Variants in ARHGAP24 observed in about 807,000 individuals in gnomAD.
The protein encoded by ARHGAP24 is rho GTPase-activating protein 24.
ARHGAP24 carries 50 observed loss-of-function variants against 76.4 expected under a neutral mutation model. The ratio of observed to expected loss-of-function variants is 0.65; its 90% CI spans 0.52 to 0.83. The LOEUF is 0.83. ARHGAP24 is among the 40% of genes least tolerant of loss of function. The probability of loss-of-function intolerance (pLI) is 0.00; values close to 1 mark genes in which losing one functional copy is unlikely to be tolerated. For missense variants in ARHGAP24, 930 were observed against 914.2 expected (o/e 1.02, Z -0.22); for synonymous variants, 345 against 323.3 (o/e 1.07, Z -0.72).
At chr4:85,782,910 A>T (rs1412360335) in intron 3 of ARHGAP24, among the ~76,000 whole-genome samples, 1 of 152,198 alleles carries the variant, frequency 6.6e-6, no homozygotes, top group Non-Finnish European at 1.5e-5. Context: ...ACCTTAATTT[A>T]AAAAGACATC....
chr4:85,660,964 T>C (rs1368532402), intron 2 of ARHGAP24, among the ~76,000 whole-genome samples: 1 of 152,146 alleles, frequency 6.6e-6, no homozygotes, highest in Non-Finnish European at 1.5e-5. Context: ...GAAACAGAAA[T>C]AGCCACAGGC....
At chr4:85,653,499 A>G (rs1349816978) in intron 2 of ARHGAP24, among the ~76,000 whole-genome samples, 1 of 151,386 alleles carries the variant, frequency 6.6e-6, no homozygotes, top group East Asian at 2.0e-4. Flanking sequence ...TTTGAGGAGG[A>G]GGCTCACTTT....
chr4:85,966,531 G>T (rs1007885525), intron 5 of ARHGAP24, among the ~76,000 whole-genome samples: 3 of 152,106 alleles, frequency 2.0e-5, no homozygotes, highest in Non-Finnish European at 2.9e-5. Flanking sequence ...CATCTGTTTT[G>T]ACAGATACAT....
At chr4:85,793,005 A>T (rs1160198275) in intron 3 of ARHGAP24, among the ~76,000 whole-genome samples, 1 of 152,208 alleles carries the variant, frequency 6.6e-6, no homozygotes, top group East Asian at 1.9e-4. Flanking sequence ...ATTAAAGACA[A>T]TAAGATAAAT....
At chr4:85,985,517 A>G (rs1174104067) in intron 8 of ARHGAP24, among the ~76,000 whole-genome samples, 1 of 152,170 alleles carries the variant, frequency 6.6e-6, no homozygotes, top group Non-Finnish European at 1.5e-5. Flanking sequence ...GGATCAGGAA[A>G]AATAACGGGT....
At chr4:85,600,291 G>C (rs965118000) in intron 2 of ARHGAP24, among the ~76,000 whole-genome samples, 1 of 152,194 alleles carries the variant, frequency 6.6e-6, no homozygotes, top group Admixed American at 6.5e-5. Context: ...TCAGACTCTT[G>C]TTAAGGATAT....
chr4:85,761,408 AAG>A (rs1726728218), intron 3 of ARHGAP24, among the ~76,000 whole-genome samples: 1 of 152,166 alleles, frequency 6.6e-6, no homozygotes, highest in African/African-American at 2.4e-5. Context: ...ATCCACCTAA[AAG>A]AGTCCATTGG....
chr4:85,797,228 A>G (rs1256597610), intron 3 of ARHGAP24, among the ~76,000 whole-genome samples: 1 of 151,570 alleles, frequency 6.6e-6, no homozygotes, highest in East Asian at 1.9e-4. Context: ...GCTGGAGTGC[A>G]GTGGCGCAAT....
chr4:85,994,741 A>T lies in ARHGAP24; in HGVS notation c.1087A>T (p.Asn363Tyr). The T allele has an allele frequency of 6.2e-7, 1 of 1,614,138 alleles. No homozygotes were observed. The highest frequency in any genetic ancestry group is 8.5e-7 in the Non-Finnish European group (1 of 1,180,028). ...CATGGGGCAGTTACAGAACAAGGAGAACAATAACACCAAGGACAGCCCTAG... is the reference window on the plus strand; with the variant it reads ...CATGGGGCAGTTACAGAACAAGGAGTACAATAACACCAAGGACAGCCCTAG... ...ATMGQLQNKENNNTKDSPSRQ... is the reference protein window; with the variant it reads ...ATMGQLQNKEYNNTKDSPSRQ... The change falls in exon 9 of 10, where the codon AAC (asparagine) becomes TAC (tyrosine). Residue 363 changes from asparagine to tyrosine, a missense_variant. Coordinates refer to ENST00000395184, the MANE Select transcript of ARHGAP24 (RefSeq NM_001025616.3).
intron 2 of ARHGAP24, among the ~76,000 whole-genome samples, chr4:85,712,357 G>A (rs1724560568): frequency 1.3e-5 from 2 of 152,164 alleles, no homozygotes; most frequent in African/African-American, 4.8e-5. Flanking sequence ...CAGCATTTGA[G>A]TGTTTAGGGT....
chr4:85,840,017 CTT>C (rs70948759), intron 3 of ARHGAP24, among the ~76,000 whole-genome samples: 31 of 116,028 alleles, frequency 2.7e-4, no homozygotes, highest in African/African-American at 9.4e-4. Context: ...GCCTGGCTAA[CTT>C]TTTTTTTTTT....
At chr4:85,718,078 A>C (rs188791611) in intron 2 of ARHGAP24, among the ~76,000 whole-genome samples, 71 of 152,220 alleles carry the variant, frequency 4.7e-4, no homozygotes, top group African/African-American at 1.6e-3. Context: ...TGACTAATTT[A>C]TCTCTTAGGT....
intron 3 of ARHGAP24, among the ~76,000 whole-genome samples, chr4:85,896,540 A>C (rs1734188676): frequency 6.6e-6 from 1 of 152,174 alleles, no homozygotes; most frequent in Admixed American, 6.5e-5. Flanking sequence ...AGGATGCTGG[A>C]TTCTTCTTCT....
intron 2 of ARHGAP24, among the ~76,000 whole-genome samples, chr4:85,626,287 A>G (rs1302769917): frequency 1.3e-5 from 2 of 152,102 alleles, no homozygotes; most frequent in East Asian, 3.8e-4. Flanking sequence ...ATCTCTCAGC[A>G]TTTGCTTGTC....
chr4:85,967,561 C>G (rs796836152), intron 5 of ARHGAP24, among the ~76,000 whole-genome samples: 29 of 152,236 alleles, frequency 1.9e-4, no homozygotes, highest in African/African-American at 6.5e-4. Flanking sequence ...AAGAACCAAA[C>G]TTATATGTTG....
chr4:85,570,634 C>T lies in ARHGAP24; in HGVS notation c.93C>T (p.Gly31=). The T allele has an allele frequency of 6.2e-7, 1 of 1,614,070 alleles. No individual in the cohort carries two copies. Among genetic ancestry groups the T allele is most frequent in the Non-Finnish European group, 8.5e-7 (1 of 1,180,004 alleles). The change falls in exon 2 of 10, where the codon GGC becomes GGT. Residue 31 remains glycine (G), a synonymous_variant. Transcript: ENST00000395184. The stretch of plus-strand genomic sequence containing the variant: ...GTGGGTGGCTGAGGAAGCAAGGAGG[C>T]TTTGTCAAGACTTGGCATACTCGCT... ...IKCGWLRKQG[G]FVKTWHTRWF... is the part of the protein sequence containing the mutation.
At chr4:85,914,630 G>C (rs1371944579) in intron 3 of ARHGAP24, among the ~76,000 whole-genome samples, 1 of 152,098 alleles carries the variant, frequency 6.6e-6, no homozygotes, top group African/African-American at 2.4e-5. Context: ...AACTTATTGA[G>C]ACCTTCTTGT....
intron 1 of ARHGAP24, among the ~76,000 whole-genome samples, chr4:85,528,780 T>G (rs1725129347): frequency 6.6e-6 from 1 of 152,110 alleles, no homozygotes; most frequent in African/African-American, 2.4e-5. Flanking sequence ...CCACGTCATG[T>G]CCTCTGCATA....
intron 3 of ARHGAP24, among the ~76,000 whole-genome samples, chr4:85,919,547 A>T (rs1735610423): frequency 6.6e-6 from 1 of 152,204 alleles, no homozygotes; most frequent in African/African-American, 2.4e-5. Flanking sequence ...TGAGGAATGA[A>T]GGTCTAGATC....
Sources: allele counts gnomAD v4.1 joint callset (sites outside exome capture counted in the v4.1 genomes callset), GRCh38; gene constraint gnomAD v4.1.1; transcripts MANE v1.5; gene names NCBI Gene and HGNC (gene_info 2026-07-23, HGNC 2026-07-21).